MAP3K7CL: variants seen among roughly 807,000 people sequenced by gnomAD.
MAP3K7CL encodes the protein MAP3K7 C-terminal like.
A neutral mutation model predicts 18.6 loss-of-function variants in MAP3K7CL; 16 were observed. The ratio of observed to expected loss-of-function variants is 0.86; its 90% confidence interval spans 0.58 to 1.31. The LOEUF (loss-of-function observed/expected upper bound fraction) is 1.31. Among genes scored for constraint, MAP3K7CL ranks in the 50% most tolerant of loss-of-function variants. The pLI is 0.00. For missense variants in MAP3K7CL, 163 were observed against 174.4 expected, an observed-to-expected ratio of 0.93 and a Z score of 0.37; for synonymous variants, 65 against 66.8, an observed-to-expected ratio of 0.97 and a Z score of 0.13.
At chr21:29,154,609 T>G (rs879932697) in intron 3 of MAP3K7CL, among the ~76,000 whole-genome samples, 5 of 152,196 alleles carry the variant, frequency 3.3e-5, no homozygotes, top group Admixed American at 3.3e-4. Context: ...CTCCGAAAAC[T>G]TCTTTTAGAT....
In MAP3K7CL at chr21:29,174,702, G is replaced by C. The variant is rs186247591; in HGVS notation, c.249-10G>C. 2 of 1,613,608 alleles carry C rather than the reference G, an allele frequency of 1.2e-6. No homozygotes were observed. The highest frequency in any genetic ancestry group is 1.7e-6 in the Non-Finnish European group (2 of 1,179,816). ...TGTGCTTCTTCCTGCCCTTTACCCC[G>C]AATCTTCAGGAAGGAGCTCATTGCC... On this transcript the variant is annotated splice_polypyrimidine_tract_variant and intron_variant, in intron 4 of 4. Transcript: ENST00000399928.
chr21:29,132,542 C>T (rs1328613218), intron 1 of MAP3K7CL, among the ~76,000 whole-genome samples: 1 of 152,116 alleles, frequency 6.6e-6, no homozygotes, highest in Non-Finnish European at 1.5e-5. Context: ...CAGAGTCTCA[C>T]TCTGTCGCCC....
chr21:29,155,815 C>G (rs556601512), intron 3 of MAP3K7CL, among the ~76,000 whole-genome samples: 1 of 152,172 alleles, frequency 6.6e-6, no homozygotes. Context: ...TGACCTCACC[C>G]AAGCCCCAGT....
chr21:29,104,765 C>T (rs574853279), intron 4 of MAP3K7CL, among the ~76,000 whole-genome samples: 14 of 152,322 alleles, frequency 9.2e-5, no homozygotes, highest in African/African-American at 3.4e-4. Flanking sequence ...TGCTATGAAC[C>T]ACAGCGTGTC....
chr21:29,087,598 T>C (rs1249091306), intron 1 of MAP3K7CL, among the ~76,000 whole-genome samples: 2 of 145,564 alleles, frequency 1.4e-5, no homozygotes, highest in African/African-American at 5.1e-5. Context: ...TCTTTTTTTT[T>C]TTTTTTTTTT....
At chr21:29,126,209 G>A (rs1448569099), upstream of MAP3K7CL, among the ~76,000 whole-genome samples, 4 of 152,188 alleles carry the variant, frequency 2.6e-5, no homozygotes, top group Non-Finnish European at 5.9e-5. Flanking sequence ...CTGGATGTTC[G>A]ATCTGGAGAG....
intron 4 of MAP3K7CL, among the ~76,000 whole-genome samples, chr21:29,093,335 A>G (rs1476626345): frequency 6.6e-6 from 1 of 152,276 alleles, no homozygotes; most frequent in African/African-American, 2.4e-5. Context: ...GAGTATCTCT[A>G]CAACTATTAT....
intron 2 of MAP3K7CL, among the ~76,000 whole-genome samples, chr21:29,137,314 G>A (rs146903500): frequency 2.6e-5 from 4 of 152,250 alleles, no homozygotes; most frequent in African/African-American, 7.2e-5. Context: ...GAATTTATTT[G>A]GTTTCGGTGT....
At chr21:29,115,369 A>G (rs184827040) in intron 4 of MAP3K7CL, among the ~76,000 whole-genome samples, 1 of 152,306 alleles carries the variant, frequency 6.6e-6, no homozygotes, top group Admixed American at 6.5e-5. Context: ...GCAATTCTGC[A>G]TCTATAAAAA....
chr21:29,099,202 C>T (rs1471518005), intron 4 of MAP3K7CL, among the ~76,000 whole-genome samples: 2 of 151,958 alleles, frequency 1.3e-5, no homozygotes, highest in Non-Finnish European at 2.9e-5. Context: ...GCAATCCTCC[C>T]ACCCCAGCTT....
At position 29,092,357 on chromosome 21, in the gene MAP3K7CL, GAAA is replaced by G; in HGVS notation, c.228-77_228-75del. ...CAAGAGGTTTCAATTTCTTCTCAGG[GAAA>G]AAAAGAACTGACATCAAAAGGTCTG... On this transcript the variant is annotated intron_variant, in intron 3 of 6. Coordinates refer to the MAP3K7CL transcript ENST00000286791. 12 of 1,540,564 alleles carry G rather than the reference GAAA, an allele frequency of 7.8e-6. No homozygotes were observed. The South Asian group carries it at 1.3e-4, about 16-fold the overall frequency.
chr21:29,120,727 T>TTTCC (rs1350576233), intron 4 of MAP3K7CL, among the ~76,000 whole-genome samples: 2 of 151,834 alleles, frequency 1.3e-5, no homozygotes, highest in South Asian at 2.1e-4. Context: ...CTCTCTTTCT[T>TTTCC]TTCCTTCCTT....
chr21:29,097,549 T>A (rs2146518827), intron 4 of MAP3K7CL, among the ~76,000 whole-genome samples: 1 of 152,264 alleles, frequency 6.6e-6, no homozygotes, highest in South Asian at 2.1e-4. Flanking sequence ...ATTACTTCAG[T>A]TCTTAGGCCA....
intron 1 of MAP3K7CL, among the ~76,000 whole-genome samples, chr21:29,132,562 T>A (rs2086799187): frequency 6.6e-6 from 1 of 152,138 alleles, no homozygotes; most frequent in Non-Finnish European, 1.5e-5. Context: ...CAGGCTGGAG[T>A]GCAGTGGTAC....
In MAP3K7CL at chr21:29,171,819, A is replaced by C. The variant is rs566368974; in HGVS notation, c.249-2893A>C. Reference sequence around the variant, plus strand: ...GAGACTCCATCTCAAAAAAAAAAAAAAAAAAAAAAACAACACTCCCATATA... The same window carrying C: ...GAGACTCCATCTCAAAAAAAAAAAACAAAAAAAAAACAACACTCCCATATA... On this transcript the variant is annotated intron_variant, in intron 4 of 4. Transcript: ENST00000399928. 2.6e-5 allele frequency among the ~76,000 whole-genome samples: 4 copies of C among 151,530 alleles called. No individual in the cohort carries two copies. The East Asian group carries it at 5.8e-4, about 22-fold the overall frequency.
Position 29,130,928 on chromosome 21 carries a change from G to A in MAP3K7CL, c.-40+5G>A. 1.0e-6 allele frequency: 1 copy of A among 985,412 alleles called. No homozygotes were observed. Among genetic ancestry groups the A allele is most frequent in the Non-Finnish European group, 1.2e-6 (1 of 829,882 alleles). The allele number at this position is 985,412 out of a possible 1,614,324, so 61.0% of individuals were successfully genotyped here. A position where few individuals can be genotyped will look rare whatever the true frequency, so the allele number is the denominator to read the frequency against. ...GCAGACACTCAACTAAGTGAGGTAA[G>A]CCAACAGGTGTGAAAACTGAACTAA... On this transcript the variant is annotated splice_donor_5th_base_variant and intron_variant, in intron 1 of 4. Coordinates refer to ENST00000399928, the MANE Select transcript of MAP3K7CL (RefSeq NM_001286620.2).
upstream of MAP3K7CL, among the ~76,000 whole-genome samples, chr21:29,126,142 T>TGGGG (rs2086677771): frequency 6.6e-6 from 1 of 152,146 alleles, no homozygotes; most frequent in African/African-American, 2.4e-5. Flanking sequence ...TACGGCACTG[T>TGGGG]GGGGGGAGCT....
upstream of MAP3K7CL, among the ~76,000 whole-genome samples, chr21:29,082,465 G>A (rs962321362): frequency 7.2e-5 from 11 of 152,268 alleles, no homozygotes; most frequent in Admixed American, 2.0e-4. Context: ...TGGTGGGTGG[G>A]CTTGGGGTTG....
At chr21:29,139,786 T>C (rs2086964349) in intron 2 of MAP3K7CL, among the ~76,000 whole-genome samples, 1 of 152,096 alleles carries the variant, frequency 6.6e-6, no homozygotes, top group Non-Finnish European at 1.5e-5. Flanking sequence ...GGTTTCCCCA[T>C]GTTGACCAGT....
Sources: gnomAD v4.1 joint callset for allele counts (sites outside exome capture counted in the v4.1 genomes callset) on GRCh38, gnomAD v4.1.1 for gene constraint, MANE v1.5 for transcripts, NCBI Gene and HGNC (gene_info 2026-07-23, HGNC 2026-07-21) for gene names.